The following SBK1 variants were observed in gnomAD, a reference collection of about 807,000 sequenced individuals.
SBK1 encodes serine/threonine-protein kinase SBK1.
SBK1 carries 11 observed loss-of-function variants against 24.4 expected under a neutral mutation model. The observed-to-expected ratio is 0.45, with a 90% CI of 0.28 to 0.75. The LOEUF is 0.75. Among genes scored for constraint, SBK1 ranks in the 30% least tolerant of loss-of-function variants. The pLI, the probability that SBK1 is intolerant of heterozygous loss-of-function variation, is 0.12. For missense variants in SBK1, 467 were observed against 620.5 expected (o/e 0.75, Z 2.63); for synonymous variants, 308 against 284.4 (o/e 1.08, Z -0.83).
At chr16:28,297,709 T>C (rs1180737552) in intron 1 of SBK1, among the ~76,000 whole-genome samples, 1 of 152,176 alleles carries the variant, frequency 6.6e-6, no homozygotes, top group Non-Finnish European at 1.5e-5. Context: ...GGGTATCCCA[T>C]ATCAAAAATG....
At chr16:28,302,517 C>T (rs1208700554) in intron 1 of SBK1, among the ~76,000 whole-genome samples, 1 of 152,206 alleles carries the variant, frequency 6.6e-6, no homozygotes, top group Non-Finnish European at 1.5e-5. Flanking sequence ...GACTGGCCTG[C>T]TGTGGGAATT....
intron 1 of SBK1, among the ~76,000 whole-genome samples, chr16:28,265,864 C>T (rs1215907382): frequency 6.6e-6 from 1 of 150,838 alleles, no homozygotes; most frequent in Non-Finnish European, 1.5e-5. Context: ...ATCTGAGCTA[C>T]TCGGGAGGCT....
At position 28,317,947 on chromosome 16, in the gene SBK1, A is replaced by C. The variant is rs1256708832; in HGVS notation, c.226+330A>C. On this transcript the variant is annotated intron_variant, in intron 2 of 3. Transcript: ENST00000341901. The surrounding 1 kb of genome is among the most constrained non-coding windows in gnomAD (Gnocchi z 4.2). ...GCAGGGCTGCCGGCTGTGTCTGAGTATCACCAGCGTCTCAGGGATGTCTGG... is the reference window on the plus strand; with the variant it reads ...GCAGGGCTGCCGGCTGTGTCTGAGTCTCACCAGCGTCTCAGGGATGTCTGG... Among the ~76,000 whole-genome samples the C allele has an allele frequency of 1.3e-5, 2 of 152,098 alleles. No individual in the cohort carries two copies. Among genetic ancestry groups the C allele is most frequent in the Non-Finnish European group, 2.9e-5 (2 of 67,998 alleles).
At chr16:28,267,056 A>C (rs1044257206) in intron 1 of SBK1, among the ~76,000 whole-genome samples, 8 of 151,982 alleles carry the variant, frequency 5.3e-5, no homozygotes, top group African/African-American at 1.9e-4. Context: ...ATGGGTGTGC[A>C]CCACCACACC....
chr16:28,309,924 A>C (rs1293106389), intron 1 of SBK1, among the ~76,000 whole-genome samples: 1 of 152,142 alleles, frequency 6.6e-6, no homozygotes, highest in African/African-American at 2.4e-5. Flanking sequence ...GGGGAGAGCA[A>C]CAAGGACTCC....
At chr16:28,299,631 A>T (rs996404095) in intron 1 of SBK1, among the ~76,000 whole-genome samples, 3 of 150,308 alleles carry the variant, frequency 2.0e-5, no homozygotes, top group African/African-American at 7.4e-5. Context: ...AGCTTCCCCC[A>T]CCCCCTCCTC....
At chr16:28,283,820 A>G (rs1419273110) in intron 1 of SBK1, among the ~76,000 whole-genome samples, 2 of 152,116 alleles carry the variant, frequency 1.3e-5, no homozygotes, top group African/African-American at 4.8e-5. Flanking sequence ...GGTGGCAGAC[A>G]TGTCATTTCC....
At chr16:28,287,861 G>A (rs576180786), upstream of SBK1, among the ~76,000 whole-genome samples, 18 of 152,114 alleles carry the variant, frequency 1.2e-4, no homozygotes, top group Admixed American at 1.0e-3. Flanking sequence ...ATGGGGTTTC[G>A]CCATGTTGGC....
intron 1 of SBK1, among the ~76,000 whole-genome samples, chr16:28,282,398 T>C (rs2044538631): frequency 6.6e-6 from 1 of 152,070 alleles, no homozygotes; most frequent in Non-Finnish European, 1.5e-5. Flanking sequence ...CTCAGCTCAC[T>C]CAGCTCCCGT....
upstream of SBK1, among the ~76,000 whole-genome samples, chr16:28,289,572 C>G (rs1454280273): frequency 6.6e-6 from 1 of 151,966 alleles, no homozygotes; most frequent in Non-Finnish European, 1.5e-5. Context: ...TCAAGACCAG[C>G]CTGGCCAACA....
At position 28,320,722 on chromosome 16, in the gene SBK1, G is replaced by A; in HGVS notation, c.1076G>A (p.Ser359Asn). ...CTCAAGCGGACGGTGCTGACCGAGA[G>A]CGGCAGCGGCTCCCGGCCCGCGCCC... ...GPLKRTVLTE[S>N]GSGSRPAPPA... is the part of the protein sequence containing the mutation. Residue 359 changes from serine (S) to asparagine (N), a missense_variant, in exon 4 of 4, where the codon AGC (serine) becomes AAC (asparagine). Ser to Asn is a conservative substitution (Grantham distance 46, BLOSUM62 1). This residue lies in a region of SBK1 where 166 missense variants were observed against 146.8 expected (regional missense o/e 1.13). Coordinates refer to ENST00000341901, the MANE Select transcript of SBK1 (RefSeq NM_001024401.3). This position sits in a 1 kb window ranked among gnomAD's most constrained non-coding sequence, Gnocchi z 8.5. The A allele has an allele frequency of 1.7e-6, 2 of 1,152,568 alleles. No individual in the cohort carries two copies. The highest frequency in any genetic ancestry group is 1.7e-5 in the African/African-American group (1 of 59,532). 71.4% of individuals were successfully genotyped at this position (1,152,568 alleles called of 1,614,324 possible).
At chr16:28,282,055 A>C (rs1490836657) in intron 1 of SBK1, among the ~76,000 whole-genome samples, 2 of 152,176 alleles carry the variant, frequency 1.3e-5, no homozygotes, top group Non-Finnish European at 2.9e-5. Context: ...GGAAGACCCT[A>C]GCCTTGTGAA....
chr16:28,303,327 G>A lies in SBK1; in HGVS notation c.-8+10027G>A, dbSNP rs547600125. Among the ~76,000 whole-genome samples the A allele has an allele frequency of 4.2e-4, 64 of 152,194 alleles. 1 individual carries two copies. The South Asian group carries it at 0.011, about 25-fold the overall frequency. ...AGTAAGTTGCTGTGGTAGCTGAGAGGTGACTGATGATGGCTCAGAGAGGTG... is the reference window on the plus strand; with the variant it reads ...AGTAAGTTGCTGTGGTAGCTGAGAGATGACTGATGATGGCTCAGAGAGGTG... On this transcript the variant is annotated intron_variant, in intron 1 of 3. Coordinates refer to ENST00000341901, the MANE Select transcript of SBK1 (RefSeq NM_001024401.3).
intron 1 of SBK1, among the ~76,000 whole-genome samples, chr16:28,297,761 T>G (rs2044650893): frequency 1.3e-5 from 2 of 152,114 alleles, no homozygotes; most frequent in South Asian, 4.2e-4. Flanking sequence ...CGTCGGCAGG[T>G]GGGTGACTGA....
chr16:28,302,967 G>GT (rs1175110908), intron 1 of SBK1, among the ~76,000 whole-genome samples: 2 of 151,954 alleles, frequency 1.3e-5, no homozygotes, highest in Admixed American at 6.6e-5. Flanking sequence ...GGCATGGGGG[G>GT]GGGTCAGGAG....
chr16:28,300,873 G>C (rs1396829089), intron 1 of SBK1, among the ~76,000 whole-genome samples: 1 of 152,220 alleles, frequency 6.6e-6, no homozygotes, highest in Non-Finnish European at 1.5e-5. Flanking sequence ...TTCCAGGCTA[G>C]AAATGGCGGT....
upstream of SBK1, among the ~76,000 whole-genome samples, chr16:28,288,143 GTCT>G (rs1423608647): frequency 2.6e-5 from 4 of 152,160 alleles, no homozygotes; most frequent in African/African-American, 9.6e-5. Context: ...GAGAGGAAGA[GTCT>G]TCAACTGCAG....
intron 1 of SBK1, among the ~76,000 whole-genome samples, chr16:28,280,279 A>G (rs1177722984): frequency 6.9e-6 from 1 of 144,110 alleles, no homozygotes; most frequent in Non-Finnish European, 1.5e-5. Flanking sequence ...ATGTACATAC[A>G]TATGTATACA....
chr16:28,280,131 A>ATGTG (rs1567672125), intron 1 of SBK1, among the ~76,000 whole-genome samples: 1 of 61,900 alleles, frequency 1.6e-5, no homozygotes, highest in Non-Finnish European at 3.9e-5. Context: ...ATATATATAT[A>ATGTG]TATATATATA....
Sources: gnomAD v4.1 joint callset for allele counts (sites outside exome capture counted in the v4.1 genomes callset) on GRCh38, gnomAD v4.1.1 for gene constraint, gnomAD v4.1.1 regional missense constraint, Gnocchi (gnomAD v3.1) non-coding constraint, MANE v1.5 for transcripts, NCBI Gene and HGNC (gene_info 2026-07-23, HGNC 2026-07-21) for gene names.